The following ABI2 variants were observed in gnomAD, a reference collection of about 807,000 sequenced individuals.
ABI2 encodes abelson interactor 2.
In ABI2, 25 loss-of-function variants were observed where a neutral mutation model predicts 59.2. The observed-to-expected ratio is 0.42, with a 90% CI of 0.31 to 0.59. The LOEUF (loss-of-function observed/expected upper bound fraction) is 0.59, where lower values mean the gene tolerates loss of function less well. ABI2 is among the 20% of genes least tolerant of loss of function. The pLI, the probability that ABI2 is intolerant of heterozygous loss-of-function variation, is 0.14. For synonymous variants in ABI2, 213 were observed against 235.5 expected (o/e 0.90, Z 0.87); for missense variants, 545 against 681.8 (o/e 0.80, Z 2.23).
intron 1 of ABI2, among the ~76,000 whole-genome samples, chr2:203,333,109 A>G (rs1331794834): frequency 6.6e-6 from 1 of 152,190 alleles, no homozygotes; most frequent in African/African-American, 2.4e-5. Flanking sequence ...ATTATCAGTC[A>G]GTTTCATCAA....
At chr2:203,389,267 T>A (rs1485603995) in intron 4 of ABI2, among the ~76,000 whole-genome samples, 1 of 152,234 alleles carries the variant, frequency 6.6e-6, no homozygotes, top group Non-Finnish European at 1.5e-5. Flanking sequence ...TGTTTGTTTT[T>A]ATTGTTTAAA....
At chr2:203,380,517 C>A in intron 3 of ABI2, 133 bp downstream of exon 3, 1 of 505,324 alleles carries the variant, frequency 2.0e-6, no homozygotes, top group Non-Finnish European at 3.3e-6. Flanking sequence ...TGTGAAGATT[C>A]CTTGCTACTA....
At chr2:203,361,247 T>TC (rs1434552965) in intron 1 of ABI2, among the ~76,000 whole-genome samples, 2 of 152,124 alleles carry the variant, frequency 1.3e-5, no homozygotes, top group Non-Finnish European at 2.9e-5. Context: ...GGGTCATGTG[T>TC]CCCTTCCTGA....
chr2:203,369,399 A>G (rs928989046), intron 2 of ABI2, among the ~76,000 whole-genome samples: 2 of 152,132 alleles, frequency 1.3e-5, no homozygotes, highest in Non-Finnish European at 2.9e-5. Context: ...GCAAATAGCA[A>G]TGAAGGATAA....
At chr2:203,338,900 G>A (rs1446840291) in intron 1 of ABI2, among the ~76,000 whole-genome samples, 1 of 126,140 alleles carries the variant, frequency 7.9e-6, no homozygotes, top group Non-Finnish European at 1.6e-5. Context: ...CTGATAAGGG[G>A]TTTATATCTG....
At chr2:203,346,473 GA>G (rs2083637946) in intron 1 of ABI2, among the ~76,000 whole-genome samples, 1 of 152,258 alleles carries the variant, frequency 6.6e-6, no homozygotes. Flanking sequence ...CTGTAAGAAG[GA>G]AGGTGAGAAT....
intron 1 of ABI2, among the ~76,000 whole-genome samples, chr2:203,345,461 C>T (rs184599035): frequency 1.3e-5 from 2 of 152,118 alleles, no homozygotes; most frequent in African/African-American, 4.8e-5. Flanking sequence ...CGGAAGGAAC[C>T]AATTCCGGAC....
chr2:203,392,072 G>A (rs2096763214), intron 5 of ABI2, among the ~76,000 whole-genome samples: 1 of 152,088 alleles, frequency 6.6e-6, no homozygotes, highest in African/African-American at 2.4e-5. Flanking sequence ...ATAGTCAGCT[G>A]CCAAGAATTC....
At chr2:203,334,585 A>C (rs972185002) in intron 1 of ABI2, among the ~76,000 whole-genome samples, 5 of 152,268 alleles carry the variant, frequency 3.3e-5, no homozygotes, top group Middle Eastern at 3.4e-3. Flanking sequence ...TGGGAAAAAA[A>C]CAATAGAGAA....
chr2:203,425,655 A>G (rs950251871), intron 11 of ABI2, among the ~76,000 whole-genome samples: 1 of 152,142 alleles, frequency 6.6e-6, no homozygotes, highest in Admixed American at 6.6e-5. Context: ...ATTTAACTAC[A>G]TTTGATTGTG....
At chr2:203,418,243 C>CTA (rs1305797600) in intron 11 of ABI2, among the ~76,000 whole-genome samples, 1 of 152,186 alleles carries the variant, frequency 6.6e-6, no homozygotes, top group Non-Finnish European at 1.5e-5. Flanking sequence ...TTGATGAAAA[C>CTA]TATATTAGTT....
chr2:203,424,922 A>C (rs2153601887), intron 11 of ABI2, among the ~76,000 whole-genome samples: 1 of 152,012 alleles, frequency 6.6e-6, no homozygotes, highest in African/African-American at 2.4e-5. Context: ...CCCAGGCTAG[A>C]GTGCAGTGGG....
intron 1 of ABI2, among the ~76,000 whole-genome samples, chr2:203,350,117 C>T (rs977781766): frequency 2.0e-5 from 3 of 152,284 alleles, no homozygotes; most frequent in Admixed American, 2.0e-4. Flanking sequence ...CTCACTGTCA[C>T]CTAGGCGGGA....
At chr2:203,360,205 A>G (rs1003769224) in intron 1 of ABI2, among the ~76,000 whole-genome samples, 67 of 151,764 alleles carry the variant, frequency 4.4e-4, no homozygotes, top group African/African-American at 1.5e-3. Context: ...AAAAAAAAAA[A>G]AAGAAGCAGT....
intron 1 of ABI2, chr2:203,328,853 G>A: frequency 5.8e-6 from 2 of 343,604 alleles, no homozygotes; most frequent in East Asian, 4.6e-5. Context: ...AGTTCTCGGC[G>A]TGGTGCGTGT....
intron 1 of ABI2, among the ~76,000 whole-genome samples, chr2:203,341,064 A>G (rs1023751642): frequency 6.6e-6 from 1 of 152,048 alleles, no homozygotes; most frequent in East Asian, 1.9e-4. Flanking sequence ...TAGTTGCATG[A>G]TTGGTTCTTT....
rs547363204 is a variant in ABI2 at position 203,361,723 on chromosome 2, C to A, written c.118-5154C>A. Reference sequence around the variant, plus strand: ...TATTTCTACTTAAAACATGACTGTTCTATGCAAATACAGGAAAATTTAAAA... The same window carrying A: ...TATTTCTACTTAAAACATGACTGTTATATGCAAATACAGGAAAATTTAAAA... On this transcript the variant is annotated intron_variant, in intron 1 of 11. Transcript: ENST00000261018. 9.2e-5 allele frequency among the ~76,000 whole-genome samples: 14 copies of A among 152,256 alleles called. No homozygotes were observed. The South Asian group carries it at 1.5e-3, about 16-fold the overall frequency.
chr2:203,373,484 G>GGGGAGA (rs891277498), intron 2 of ABI2, among the ~76,000 whole-genome samples: 24 of 151,274 alleles, frequency 1.6e-4, no homozygotes, highest in South Asian at 2.1e-4. Context: ...CATGGGCCGT[G>GGGGAGA]GGGAGAGGGA....
chr2:203,357,302 A>C lies in ABI2; in HGVS notation c.118-9575A>C, dbSNP rs550358437. ...CTTGGGAGTATAAATTAATTATTTA[A>C]GAGCAAGTAAGATAGTAGCAGAGCT... is the stretch of plus-strand genomic sequence containing the variant. On this transcript the variant is annotated intron_variant, in intron 1 of 11. Transcript: ENST00000261018. Among the ~76,000 whole-genome samples the C allele has an allele frequency of 1.5e-4, 23 of 152,324 alleles. No homozygotes were observed. In the East Asian group the frequency reaches 4.4e-3, roughly 29 times the overall value.
Sources: gnomAD v4.1 joint callset for allele counts (sites outside exome capture counted in the v4.1 genomes callset) on GRCh38, gnomAD v4.1.1 for gene constraint, MANE v1.5 for transcripts, NCBI Gene and HGNC (gene_info 2026-07-23, HGNC 2026-07-21) for gene names.